Variants in CDK5RAP3 observed in about 807,000 individuals in gnomAD.
The protein encoded by CDK5RAP3 is CDK5 regulatory subunit-associated protein 3.
CDK5RAP3 carries 58 observed loss-of-function variants against 73.3 expected under a neutral mutation model. That is an observed-to-expected ratio of 0.79 (90% CI 0.64 to 0.98). The LOEUF (loss-of-function observed/expected upper bound fraction) is 0.98. Ranked by LOEUF, CDK5RAP3 falls within the 50% of genes least tolerant of loss-of-function variation. The pLI is 0.00. For synonymous variants in CDK5RAP3, 224 were observed against 247.5 expected, an observed-to-expected ratio of 0.91 and a Z score of 0.89; for missense variants, 525 against 615.8, an observed-to-expected ratio of 0.85 and a Z score of 1.56.
intron 9 of CDK5RAP3, 105 bp from the exon 10 acceptor site, chr17:47,977,727 T>G: frequency 2.3e-6 from 2 of 886,094 alleles, no homozygotes; most frequent in East Asian, 2.6e-5. Flanking sequence ...CTTAATAGAG[T>G]TGGAATGTGC....
intron 2 of CDK5RAP3, among the ~76,000 whole-genome samples, chr17:47,972,467 G>A (rs1232570884): frequency 6.6e-6 from 1 of 152,168 alleles, no homozygotes; most frequent in Non-Finnish European, 1.5e-5. Flanking sequence ...TGGGACCCCA[G>A]CGTTTGACCG....
Position 47,981,277 on chromosome 17 carries a change from G to A in CDK5RAP3, c.1398G>A (p.Ala466=), listed in dbSNP as rs368286684. The change falls in exon 13 of 14, where the codon GCG becomes GCA. Residue 466 remains alanine, a synonymous_variant. Transcript: ENST00000338399. The stretch of plus-strand genomic sequence containing the variant: ...AGCAGGAGGCACTTGAGGAGCAGGC[G>A]GCTCTGGAGCCTAAGCTGGACCTGC... The part of the protein sequence containing the change: ...QKQQEALEEQ[A]ALEPKLDLLL... 255 of 1,614,192 alleles carry A rather than the reference G, an allele frequency of 1.6e-4. 1 individual carries two copies. The highest frequency in any genetic ancestry group is 1.9e-4 in the Non-Finnish European group (226 of 1,180,018).
chr17:47,980,362 G>A (rs2036522767), intron 11 of CDK5RAP3: 1 of 533,364 alleles, frequency 1.9e-6, no homozygotes, highest in South Asian at 2.0e-5. Flanking sequence ...TCAAACTCCT[G>A]GGCTCAAGTG....
At chr17:47,978,396 TTTAGAAACTCTCAAC>T (rs2036469959) in intron 10 of CDK5RAP3, among the ~76,000 whole-genome samples, 1 of 151,158 alleles carries the variant, frequency 6.6e-6, no homozygotes, top group Non-Finnish European at 1.5e-5. Context: ...AAGTTGAGAG[TTTAGAAACTCTCAAC>T]TTTTTAGAGA....
chr17:47,968,786 G>A (rs2144201814), upstream of CDK5RAP3, among the ~76,000 whole-genome samples: 1 of 152,268 alleles, frequency 6.6e-6, no homozygotes, highest in Admixed American at 6.5e-5. Context: ...AAAGTGCCGA[G>A]ATTACAGGCG....
chr17:47,980,249 G>T lies in CDK5RAP3; in HGVS notation c.1078-344G>T, dbSNP rs1217443487. 5 of 281,324 alleles carry T rather than the reference G, an allele frequency of 1.8e-5. No individual in the cohort carries two copies. The Admixed American group carries it at 2.5e-4, about 14-fold the overall frequency. 17.4% of individuals were successfully genotyped at this position (281,324 alleles called of 1,614,324 possible). A position where few individuals can be genotyped will look rare whatever the true frequency, so the allele number is the denominator to read the frequency against. On this transcript the variant is annotated intron_variant, in intron 11 of 13. Coordinates refer to ENST00000338399, the MANE Select transcript of CDK5RAP3 (RefSeq NM_176096.3). ...AGATTCTGAGTTCTTCTCTCAGTTT[G>T]AACCAATTTATCTTCTTTTTTTCTT...
At chr17:47,979,095 C>G in intron 11 of CDK5RAP3, 178 bp downstream of exon 11, 3 of 592,956 alleles carry the variant, frequency 5.1e-6, no homozygotes. Context: ...TATCAGGTAC[C>G]TCCTAGGCAC....
intron 11 of CDK5RAP3, chr17:47,979,219 T>C: frequency 3.6e-6 from 1 of 279,228 alleles, no homozygotes; most frequent in Non-Finnish European, 6.7e-6. Context: ...GATAAATAAA[T>C]AAAATATGCA....
rs772283271 is a variant in CDK5RAP3 at position 47,973,563 on chromosome 17, C to T, written c.97C>T (p.Leu33=). The stretch of plus-strand genomic sequence containing the variant: ...GCACTGCAGCCTGAAATGGCAGAGT[C>T]TGGTGCTGACGATCCGCGAGAAGAT... ...RRHCSLKWQS[L]VLTIREKINA... The change falls in exon 3 of 14, where the codon CTG becomes TTG. Residue 33 remains leucine, a synonymous_variant. Transcript: ENST00000338399. The T allele has an allele frequency of 4.3e-6, 7 of 1,614,062 alleles. No homozygotes were observed. The highest frequency in any genetic ancestry group is 5.1e-6 in the Non-Finnish European group (6 of 1,180,040).
At chr17:47,979,883 G>A (rs1356797777) in intron 11 of CDK5RAP3, 1 of 152,312 alleles carries the variant, frequency 6.6e-6, no homozygotes, top group East Asian at 1.9e-4. Context: ...CGGCAGAATA[G>A]GATTGATAAG....
At chr17:47,968,682 T>C (rs563111669), upstream of CDK5RAP3, among the ~76,000 whole-genome samples, 4 of 152,234 alleles carry the variant, frequency 2.6e-5, no homozygotes, top group East Asian at 7.7e-4. Context: ...CACGCCCAGC[T>C]AATTTTTGTA....
upstream of CDK5RAP3, chr17:47,970,531 C>A: frequency 1.3e-6 from 1 of 773,002 alleles, no homozygotes; most frequent in Non-Finnish European, 2.2e-6. Flanking sequence ...TTCGTTTAGA[C>A]TCAATGTAGG....
At chr17:47,970,251 C>CCT (rs2036232959), upstream of CDK5RAP3, among the ~76,000 whole-genome samples, 1 of 152,198 alleles carries the variant, frequency 6.6e-6, no homozygotes, top group South Asian at 2.1e-4. Context: ...ACCCTTACAG[C>CCT]CTCTCCTCTA....
chr17:47,978,152 C>T, intron 10 of CDK5RAP3: 1 of 357,050 alleles, frequency 2.8e-6, no homozygotes, highest in Non-Finnish European at 5.1e-6. Context: ...TCGCTGCAAC[C>T]TCCACCTCCT....
At position 47,981,073 on chromosome 17, in the gene CDK5RAP3, G is replaced by A; in HGVS notation, c.1284-90G>A. On this transcript the variant is annotated intron_variant, in intron 12 of 13. Transcript: ENST00000338399. ...AGGGTAAGCGGCCAGTTGGGGGTTTGGTTTCCCGAGCCTCTCACCTCCCCA... is the reference window on the plus strand; with the variant it reads ...AGGGTAAGCGGCCAGTTGGGGGTTTAGTTTCCCGAGCCTCTCACCTCCCCA... 2.8e-6 allele frequency: 4 copies of A among 1,413,922 alleles called. No individual in the cohort carries two copies. The South Asian group carries it at 4.0e-5, about 14-fold the overall frequency. 87.6% of individuals were successfully genotyped at this position (1,413,922 alleles called of 1,614,324 possible).
chr17:47,978,821 C>G lies in CDK5RAP3; in HGVS notation c.989-8C>G, dbSNP rs2036483938. On this transcript the variant is annotated splice_polypyrimidine_tract_variant and splice_region_variant and intron_variant, in intron 10 of 13. Transcript: ENST00000338399. ...ATCCTTTATCACTTCTCTGTCTCTT[C>G]CTGGCAGCTCCAGAAGGTGTTGCCA... is the stretch of plus-strand genomic sequence containing the variant. 2.5e-6 allele frequency: 4 copies of G among 1,611,062 alleles called. No homozygotes were observed. Among genetic ancestry groups the G allele is most frequent in the African/African-American group, 1.3e-5 (1 of 74,858 alleles).
rs2036421802 is a variant in CDK5RAP3, at chr17:47,976,693, ACT to A, written c.799-14_799-13del. On this transcript the variant is annotated splice_polypyrimidine_tract_variant and intron_variant, in intron 8 of 13. Transcript: ENST00000338399. The stretch of plus-strand genomic sequence containing the variant: ...TTAAATCCATCTTCCATGAGCTAAC[ACT>A]CTCTTTCCCTTTCCAGATTGACTGG... 3.9e-6 allele frequency: 6 copies of A among 1,545,274 alleles called. No homozygotes were observed. Among genetic ancestry groups the A allele is most frequent in the East Asian group, 2.3e-5 (1 of 44,240 alleles).
At chr17:47,974,058 A>G (rs779737561) in intron 4 of CDK5RAP3, 27 bp downstream of exon 4, 71 of 1,519,180 alleles carry the variant, frequency 4.7e-5, no homozygotes, top group Non-Finnish European at 5.9e-5. Flanking sequence ...GGCCGGTAGT[A>G]TGTGGTTGGG....
chr17:47,976,860 T>C (rs2036428843), intron 9 of CDK5RAP3, 38 bp downstream of exon 9: 1 of 1,279,784 alleles, frequency 7.8e-7, no homozygotes. Context: ...CTCTGATCAC[T>C]ACTCTAACCA....
Sources: gnomAD v4.1 joint callset for allele counts (sites outside exome capture counted in the v4.1 genomes callset) on GRCh38, gnomAD v4.1.1 for gene constraint, MANE v1.5 for transcripts, NCBI Gene and HGNC (gene_info 2026-07-23, HGNC 2026-07-21) for gene names.